EIF3K: variants seen among roughly 807,000 people sequenced by gnomAD.
EIF3K encodes the protein eIF-3 p28.
EIF3K carries 27 observed loss-of-function variants against 34.2 expected under a neutral mutation model. That is an observed-to-expected ratio of 0.79 (90% confidence interval 0.58 to 1.09). EIF3K has a LOEUF of 1.09. EIF3K is among the 50% of genes least tolerant of loss of function. The probability of loss-of-function intolerance (pLI) is 0.00; values close to 1 mark genes in which losing one functional copy is unlikely to be tolerated. For synonymous variants in EIF3K, 105 were observed against 105.7 expected (o/e 0.99, Z 0.04); for missense variants, 232 against 275.4 (o/e 0.84, Z 1.11).
intron 2 of EIF3K, among the ~76,000 whole-genome samples, chr19:38,621,647 G>GGCTCA (rs955895650): frequency 6.6e-6 from 1 of 152,308 alleles, no homozygotes; most frequent in East Asian, 1.9e-4. Flanking sequence ...GCATACATCT[G>GGCTCA]GCTCAGCTCA....
intron 2 of EIF3K, among the ~76,000 whole-genome samples, 187 bp downstream of exon 2, chr19:38,620,622 G>A (rs1159620248): frequency 5.9e-5 from 9 of 152,102 alleles, no homozygotes; most frequent in Non-Finnish European, 1.3e-4. Flanking sequence ...TGCCGGGCGC[G>A]GTGACTCACG....
At chr19:38,632,839 C>T in intron 6 of EIF3K, 161 bp downstream of exon 6, 1 of 593,734 alleles carries the variant, frequency 1.7e-6, no homozygotes, top group Non-Finnish European at 2.9e-6. Flanking sequence ...ACAGTCTCTG[C>T]CTTGAGGGAG....
chr19:38,626,819 T>A (rs1975960759), intron 4 of EIF3K, among the ~76,000 whole-genome samples: 2 of 152,094 alleles, frequency 1.3e-5, no homozygotes, highest in Admixed American at 6.6e-5. Context: ...GTTTTTTGGT[T>A]TTTTTGAGAT....
chr19:38,624,946 T>C (rs768996487), intron 3 of EIF3K, among the ~76,000 whole-genome samples: 1 of 152,174 alleles, frequency 6.6e-6, no homozygotes, highest in Non-Finnish European at 1.5e-5. Context: ...TTCACTCTTC[T>C]GTATTTTTAA....
intron 4 of EIF3K, among the ~76,000 whole-genome samples, chr19:38,629,369 A>G (rs546024436): frequency 1.3e-5 from 2 of 152,234 alleles, no homozygotes; most frequent in South Asian, 2.1e-4. Context: ...AACACAGCTC[A>G]CTGCAGCTTT....
chr19:38,632,170 C>G, intron 4 of EIF3K: 1 of 436,142 alleles, frequency 2.3e-6, no homozygotes, highest in Non-Finnish European at 4.2e-6. Context: ...AATCCCAACG[C>G]TTTGAGAGGC....
At position 38,632,652 on chromosome 19, in the gene EIF3K, T is replaced by C; in HGVS notation, c.473T>C (p.Leu158Pro). The change falls in exon 6 of 8, where the codon CTG (leucine) becomes CCG (proline). Residue 158 changes from leucine to proline, a missense_variant. Physicochemically the swap from Leu to Pro is moderately conservative, Grantham distance 98. Coordinates refer to ENST00000248342, the MANE Select transcript of EIF3K (RefSeq NM_013234.4). ...TACCAGCACATTGACCGCTGGCTGC[T>C]GGCCGAGATGCTCGGGGATCTGTCG... Reference protein sequence around the residue: ...ITYQHIDRWLLAEMLGDLSDS... With the variant: ...ITYQHIDRWLPAEMLGDLSDS... 6.2e-7 allele frequency: 1 copy of C among 1,613,760 alleles called. No homozygotes were observed. The highest frequency in any genetic ancestry group is 8.5e-7 in the Non-Finnish European group (1 of 1,179,830).
intron 4 of EIF3K, among the ~76,000 whole-genome samples, chr19:38,631,193 A>G (rs1165533928): frequency 6.6e-6 from 1 of 152,170 alleles, no homozygotes; most frequent in East Asian, 1.9e-4. Context: ...AGGTGGAATG[A>G]GAGACTTGGA....
rs753839982 is a variant in EIF3K, at chr19:38,635,130, C to T, written c.625+12C>T. Reference sequence around the variant, plus strand: ...GATTGACTTTGACAGTGAGTGGTGACCCACGGCCTCGGGCTTTGGGGCTAA... The same window carrying T: ...GATTGACTTTGACAGTGAGTGGTGATCCACGGCCTCGGGCTTTGGGGCTAA... On this transcript the variant is annotated intron_variant, in intron 7 of 7. Transcript: ENST00000248342. 6.2e-6 allele frequency: 10 copies of T among 1,614,104 alleles called. No individual in the cohort carries two copies. In the South Asian group the frequency reaches 1.1e-4, roughly 18 times the overall value.
At position 38,636,929 on chromosome 19, in the gene EIF3K, G is replaced by GT; in HGVS notation, c.*12dup. On this transcript the variant is annotated 3_prime_UTR_variant, in exon 8 of 8. Coordinates refer to ENST00000248342, the MANE Select transcript of EIF3K (RefSeq NM_013234.4). ...TGGCCTCCTCCCAGTAACTTCAGGT[G>GT]TTTAATAAAGATGTGTTGACTCAGC... 6.2e-7 allele frequency: 1 copy of GT among 1,614,134 alleles called. No individual in the cohort carries two copies. Among genetic ancestry groups the GT allele is most frequent in the Non-Finnish European group, 8.5e-7 (1 of 1,180,004 alleles).
chr19:38,620,494 C>CA, intron 2 of EIF3K, 59 bp downstream of exon 2: 1 of 1,434,468 alleles, frequency 7.0e-7, no homozygotes, highest in Non-Finnish European at 9.7e-7. Context: ...GTGCCACTCC[C>CA]AGTACAGGGC....
intron 6 of EIF3K, among the ~76,000 whole-genome samples, chr19:38,633,213 C>T (rs1976108941): frequency 6.6e-6 from 1 of 152,024 alleles, no homozygotes; most frequent in South Asian, 2.1e-4. Context: ...GTTGGAGGGG[C>T]ATTTCCAGGT....
In EIF3K at chr19:38,632,659, G is replaced by A; in HGVS notation, c.480G>A (p.Glu160=). The A allele has an allele frequency of 6.2e-7, 1 of 1,613,570 alleles. No individual in the cohort carries two copies. Among genetic ancestry groups the A allele is most frequent in the Non-Finnish European group, 8.5e-7 (1 of 1,179,756 alleles). The part of the protein sequence containing the change: ...YQHIDRWLLA[E]MLGDLSDSQL... Reference sequence around the variant, plus strand: ...ACATTGACCGCTGGCTGCTGGCCGAGATGCTCGGGGATCTGTCGGGTAACG... The same window carrying A: ...ACATTGACCGCTGGCTGCTGGCCGAAATGCTCGGGGATCTGTCGGGTAACG... The change falls in exon 6 of 8, where the codon GAG becomes GAA. Residue 160 remains glutamate (E), a synonymous_variant. Transcript: ENST00000248342.
rs3033331 is a variant in EIF3K, at chr19:38,629,267, G to GTTTGTTTTGT, written c.355-3129_355-3120dup. On this transcript the variant is annotated intron_variant, in intron 4 of 7. Coordinates refer to ENST00000248342, the MANE Select transcript of EIF3K (RefSeq NM_013234.4). ...ACAGATAGACAGGTTTTTTTTGTTTGTTTGTTTTGTTTTGTTTTGTTTTGT... is the reference window on the plus strand; with the variant it reads ...ACAGATAGACAGGTTTTTTTTGTTTGTTTGTTTTGTTTTGTTTTGTTTTGTTTTGTTTTGT... Among the ~76,000 whole-genome samples, 1,446 of 148,936 alleles carry GTTTGTTTTGT rather than the reference G, an allele frequency of 9.7e-3. 18 individuals carry two copies. Among genetic ancestry groups the GTTTGTTTTGT allele is most frequent in the South Asian group, 0.043 (197 of 4,628 alleles).
intron 2 of EIF3K, among the ~76,000 whole-genome samples, chr19:38,622,262 G>A (rs1313273888): frequency 1.3e-5 from 2 of 152,058 alleles, no homozygotes; most frequent in Non-Finnish European, 2.9e-5. Context: ...GGCCTGCCCC[G>A]ATAATCACGT....
chr19:38,622,677 C>T (rs1157807370), intron 2 of EIF3K, among the ~76,000 whole-genome samples: 2 of 152,228 alleles, frequency 1.3e-5, no homozygotes, highest in African/African-American at 2.4e-5. Flanking sequence ...ATTTCCTCTT[C>T]CTAATAAGCC....
chr19:38,620,748 G>A (rs1380161276), intron 2 of EIF3K, among the ~76,000 whole-genome samples: 1 of 152,082 alleles, frequency 6.6e-6, no homozygotes, highest in East Asian at 1.9e-4. Context: ...TACCAAATTA[G>A]CCAGGCGTGG....
intron 1 of EIF3K, among the ~76,000 whole-genome samples, chr19:38,619,612 GC>G (rs1213741744): frequency 1.3e-5 from 2 of 152,150 alleles, no homozygotes; most frequent in Non-Finnish European, 2.9e-5. Flanking sequence ...AGAAACAAAA[GC>G]ACTGCAAAGG....
rs149596689 is a variant in EIF3K at position 38,635,065 on chromosome 19, G to C, written c.572G>C (p.Ser191Thr). The change falls in exon 7 of 8, where the codon AGC becomes ACC. Residue 191 changes from serine to threonine, a missense_variant. Transcript: ENST00000248342. Reference sequence around the variant, plus strand: ...GAGTCGGGGCAGATCTTCATCTGTAGCCAAGAAGAGAGCATTAAACCCAAG... The same window carrying C: ...GAGTCGGGGCAGATCTTCATCTGTACCCAAGAAGAGAGCATTAAACCCAAG... ...ADESGQIFICSQEESIKPKNI... is the reference protein window; with the variant it reads ...ADESGQIFICTQEESIKPKNI... The C allele has an allele frequency of 1.6e-3, 2,504 of 1,614,230 alleles. 4 individuals carry two copies. Among genetic ancestry groups the C allele is most frequent in the Non-Finnish European group, 2.1e-3 (2,421 of 1,180,048 alleles).
Sources: gnomAD v4.1 joint callset for allele counts (sites outside exome capture counted in the v4.1 genomes callset) on GRCh38, gnomAD v4.1.1 for gene constraint, MANE v1.5 for transcripts, NCBI Gene and HGNC (gene_info 2026-07-23, HGNC 2026-07-21) for gene names.